KCNIP4: variants seen among roughly 807,000 people sequenced by gnomAD.
KCNIP4 encodes the protein potassium voltage-gated channel interacting protein 4.
Under a neutral mutation model 34.0 loss-of-function variants are expected in KCNIP4, and 12 were observed. The ratio of observed to expected loss-of-function variants is 0.35; its 90% CI spans 0.23 to 0.57. The LOEUF is 0.57. Ranked by LOEUF, KCNIP4 falls within the 20% of genes least tolerant of loss-of-function variation. KCNIP4 has a pLI of 0.83. For missense variants in KCNIP4, 238 were observed against 311.7 expected, an observed-to-expected ratio of 0.76 and a Z score of 1.78; for synonymous variants, 124 against 102.2, an observed-to-expected ratio of 1.21 and a Z score of -1.29.
chr4:21,055,541 T>G (rs1743326793), intron 1 of KCNIP4, among the ~76,000 whole-genome samples: 2 of 152,074 alleles, frequency 1.3e-5, no homozygotes, highest in African/African-American at 4.8e-5. Context: ...ACCAAAAAAC[T>G]GAAAGTACAA....
At chr4:21,511,671 C>T (rs1734323542) in intron 1 of KCNIP4, among the ~76,000 whole-genome samples, 1 of 152,146 alleles carries the variant, frequency 6.6e-6, no homozygotes, top group Admixed American at 6.5e-5. Context: ...CTCATGACAT[C>T]CACAGTTGTT....
chr4:21,528,372 T>C (rs1736157563), intron 1 of KCNIP4, among the ~76,000 whole-genome samples: 1 of 151,778 alleles, frequency 6.6e-6, no homozygotes, highest in African/African-American at 2.4e-5. Context: ...CTTTCCTCCA[T>C]AGAAACAGAA....
At chr4:20,925,175 C>T (rs566999481) in intron 1 of KCNIP4, among the ~76,000 whole-genome samples, 2 of 152,012 alleles carry the variant, frequency 1.3e-5, no homozygotes, top group African/African-American at 2.4e-5. Context: ...CATACCCGCT[C>T]GGTGAGGGTA....
intron 1 of KCNIP4, among the ~76,000 whole-genome samples, chr4:21,292,780 T>C (rs1763609679): frequency 6.6e-6 from 1 of 152,200 alleles, no homozygotes; most frequent in Non-Finnish European, 1.5e-5. Flanking sequence ...TCTAAGCCTA[T>C]ATTCTCTGCT....
At chr4:21,347,480 G>A (rs559202541) in intron 1 of KCNIP4, among the ~76,000 whole-genome samples, 29 of 152,274 alleles carry the variant, frequency 1.9e-4, no homozygotes, top group African/African-American at 6.7e-4. Flanking sequence ...TCAGCCATAC[G>A]GCTGTCAGCA....
intron 1 of KCNIP4, among the ~76,000 whole-genome samples, chr4:21,181,554 T>C (rs1754845046): frequency 6.6e-6 from 1 of 152,010 alleles, no homozygotes; most frequent in Admixed American, 6.6e-5. Context: ...TACTCATATG[T>C]TGAAAGGGGT....
chr4:20,748,533 T>A (rs1752855550), intron 5 of KCNIP4, among the ~76,000 whole-genome samples: 1 of 139,882 alleles, frequency 7.1e-6, no homozygotes, highest in Non-Finnish European at 1.5e-5. Flanking sequence ...CTTCCTCACT[T>A]CCAAAAATAA....
chr4:21,175,422 A>G (rs1405867298), intron 1 of KCNIP4, among the ~76,000 whole-genome samples: 1 of 152,160 alleles, frequency 6.6e-6, no homozygotes, highest in Middle Eastern at 3.2e-3. Flanking sequence ...TATGTCTATT[A>G]CACACAAATT....
At chr4:21,598,501 A>C (rs1004008177) in intron 1 of KCNIP4, among the ~76,000 whole-genome samples, 2 of 152,048 alleles carry the variant, frequency 1.3e-5, no homozygotes, top group Non-Finnish European at 2.9e-5. Flanking sequence ...ATAAAACTTT[A>C]TTTACAAAAC....
rs186605572 is a variant in KCNIP4, at chr4:21,573,183, A to G, written c.61+375388T>C. 3.9e-5 allele frequency among the ~76,000 whole-genome samples: 6 copies of G among 152,276 alleles called. No individual in the cohort carries two copies. In the South Asian group the frequency reaches 1.0e-3, roughly 26 times the overall value. On this transcript the variant is annotated intron_variant, in intron 1 of 8. Transcript: ENST00000382152. ...TAGCAGCAACAATAATGGAAGAGGT[A>G]GTGATACTCATACTTGACCTTAGTG...
intron 1 of KCNIP4, among the ~76,000 whole-genome samples, chr4:21,019,383 C>G (rs1739840140): frequency 6.6e-6 from 1 of 152,186 alleles, no homozygotes; most frequent in Non-Finnish European, 1.5e-5. Flanking sequence ...GTCTTGAACT[C>G]CTAACCTCAG....
At chr4:20,934,084 T>C (rs919329595) in intron 1 of KCNIP4, among the ~76,000 whole-genome samples, 1 of 151,924 alleles carries the variant, frequency 6.6e-6, no homozygotes, top group Non-Finnish European at 1.5e-5. Context: ...CCTATATAAA[T>C]AGCAAAAATT....
At chr4:21,606,114 T>A (rs1235717463) in intron 1 of KCNIP4, among the ~76,000 whole-genome samples, 1 of 152,076 alleles carries the variant, frequency 6.6e-6, no homozygotes, top group Non-Finnish European at 1.5e-5. Flanking sequence ...GAGAAAGAAT[T>A]ATATTATTTG....
At chr4:21,355,505 C>T (rs1578120587) in intron 1 of KCNIP4, among the ~76,000 whole-genome samples, 1 of 152,172 alleles carries the variant, frequency 6.6e-6, no homozygotes, top group African/African-American at 2.4e-5. Context: ...AAAATACCAT[C>T]AGAGAATACT....
At chr4:21,946,778 T>C (rs1730534386) in intron 1 of KCNIP4, among the ~76,000 whole-genome samples, 1 of 152,234 alleles carries the variant, frequency 6.6e-6, no homozygotes, top group African/African-American at 2.4e-5. Flanking sequence ...GGTCTCACCT[T>C]AGCCAAGGTA....
At chr4:21,647,513 A>T (rs1041465126) in intron 1 of KCNIP4, among the ~76,000 whole-genome samples, 4 of 152,194 alleles carry the variant, frequency 2.6e-5, no homozygotes, top group Non-Finnish European at 1.5e-5. Flanking sequence ...TCTGAAAAAG[A>T]CCTACTCCTA....
At chr4:21,389,630 C>T in intron 1 of KCNIP4, among the ~76,000 whole-genome samples, 1 of 151,900 alleles carries the variant, frequency 6.6e-6, no homozygotes. Context: ...AGGCCATGAA[C>T]TCATCCTTTT....
chr4:20,986,377 C>T (rs1736580794), intron 1 of KCNIP4, among the ~76,000 whole-genome samples: 1 of 152,162 alleles, frequency 6.6e-6, no homozygotes, highest in African/African-American at 2.4e-5. Context: ...TCCATTATAT[C>T]AGCAAGCCTG....
At chr4:21,798,508 CT>C (rs1385221393) in intron 1 of KCNIP4, among the ~76,000 whole-genome samples, 2 of 74,180 alleles carry the variant, frequency 2.7e-5, no homozygotes, top group Non-Finnish European at 4.7e-5. Flanking sequence ...AAGCAAGACC[CT>C]GGGAAAAAAA....
Sources: gnomAD v4.1 joint callset for allele counts (sites outside exome capture counted in the v4.1 genomes callset) on GRCh38, gnomAD v4.1.1 for gene constraint, MANE v1.5 for transcripts, NCBI Gene and HGNC (gene_info 2026-07-23, HGNC 2026-07-21) for gene names.